The following TENM2 variants were observed in gnomAD, a reference collection of about 807,000 sequenced individuals.
TENM2 encodes the protein teneurin-2.
A neutral mutation model predicts 245.2 loss-of-function variants in TENM2; 52 were observed. The ratio of observed to expected loss-of-function variants is 0.21; its 90% CI spans 0.17 to 0.27. The LOEUF (loss-of-function observed/expected upper bound fraction) is 0.27, where lower values mean the gene tolerates loss of function less well. Among genes scored for constraint, TENM2 ranks in the 10% least tolerant of loss-of-function variants. The pLI is 1.00. For missense variants in TENM2, 3,046 were observed against 3,666.8 expected, an observed-to-expected ratio of 0.83 and a Z score of 4.37; for synonymous variants, 1,363 against 1,438.9, an observed-to-expected ratio of 0.95 and a Z score of 1.19.
intron 2 of TENM2, among the ~76,000 whole-genome samples, chr5:167,503,122 T>A (rs1769316558): frequency 6.6e-6 from 1 of 152,188 alleles, no homozygotes; most frequent in Non-Finnish European, 1.5e-5. Flanking sequence ...CCACCACGCC[T>A]GGCCCATATT....
chr5:167,992,859 A>G (rs1783771411), intron 4 of TENM2, 85 bp from the exon 7 acceptor site: 1 of 1,010,998 alleles, frequency 9.9e-7, no homozygotes, highest in Middle Eastern at 2.1e-4. Flanking sequence ...TGCTAGGACT[A>G]GATAGAGCAG....
At chr5:167,018,892 C>G in the TENM2 span, among the ~76,000 whole-genome samples, 9 of 152,170 alleles carry the variant, frequency 5.9e-5, no homozygotes, top group Admixed American at 2.0e-4. Flanking sequence ...ACAAATAATA[C>G]CTTCCCTGGC....
intron 2 of TENM2, among the ~76,000 whole-genome samples, chr5:167,743,702 A>G (rs945579947): frequency 7.2e-5 from 11 of 152,198 alleles, no homozygotes; most frequent in African/African-American, 2.4e-4. Context: ...TTGACAAGAC[A>G]AAAGAGTAAT....
chr5:167,723,302 A>C (rs1416380885), intron 2 of TENM2, among the ~76,000 whole-genome samples: 2 of 152,096 alleles, frequency 1.3e-5, no homozygotes, highest in African/African-American at 4.8e-5. Flanking sequence ...GTCCTCATCT[A>C]GTGCCACTCT....
intron 7 of TENM2, among the ~76,000 whole-genome samples, chr5:168,081,562 C>T (rs1791998534): frequency 1.3e-5 from 2 of 152,282 alleles, no homozygotes; most frequent in African/African-American, 2.4e-5. Flanking sequence ...TTTGCAGTGG[C>T]TTGTACTGGT....
At chr5:167,537,981 A>G (rs570548977) in intron 2 of TENM2, among the ~76,000 whole-genome samples, 1 of 152,324 alleles carries the variant, frequency 6.6e-6, no homozygotes, top group African/African-American at 2.4e-5. Context: ...GGGAGGAAGG[A>G]AACTGTTTGA....
chr5:167,015,985 T>C, the TENM2 span, among the ~76,000 whole-genome samples: 1 of 152,028 alleles, frequency 6.6e-6, no homozygotes, highest in Non-Finnish European at 1.5e-5. Context: ...CCAGGCACGG[T>C]GGCTCACCCC....
At chr5:167,230,604 A>T in the TENM2 span, among the ~76,000 whole-genome samples, 23 of 152,202 alleles carry the variant, frequency 1.5e-4, no homozygotes, top group Admixed American at 9.8e-4. Context: ...GATACATTTT[A>T]AAAATGCTGA....
intron 2 of TENM2, among the ~76,000 whole-genome samples, chr5:167,410,483 A>G (rs1469602563): frequency 6.6e-6 from 1 of 152,156 alleles, no homozygotes; most frequent in East Asian, 1.9e-4. Flanking sequence ...ACTCATTTAT[A>G]AAAATTAGCA....
At chr5:167,373,329 G>A (rs1428017973) in intron 1 of TENM2, among the ~76,000 whole-genome samples, 2 of 152,174 alleles carry the variant, frequency 1.3e-5, no homozygotes, top group Non-Finnish European at 2.9e-5. Context: ...AAATGATATC[G>A]AGTATGTAGG....
chr5:167,872,488 GAA>G (rs1772982855), intron 2 of TENM2, among the ~76,000 whole-genome samples: 6 of 16,636 alleles, frequency 3.6e-4, no homozygotes, highest in East Asian at 0.013. Context: ...GAAAGAAAAA[GAA>G]AGAAAGAAAG....
At chr5:167,443,841 T>G (rs904628455) in intron 2 of TENM2, among the ~76,000 whole-genome samples, 9 of 152,286 alleles carry the variant, frequency 5.9e-5, no homozygotes, top group African/African-American at 2.2e-4. Flanking sequence ...TCTTTAACTT[T>G]TAAAATTAAA....
the TENM2 span, among the ~76,000 whole-genome samples, chr5:167,026,091 A>G: frequency 6.6e-6 from 1 of 152,284 alleles, no homozygotes; most frequent in South Asian, 2.1e-4. Context: ...TATATATTTT[A>G]AGATACTTTA....
chr5:167,391,107 A>G (rs1241405985), intron 2 of TENM2, among the ~76,000 whole-genome samples: 1 of 152,120 alleles, frequency 6.6e-6, no homozygotes, highest in Non-Finnish European at 1.5e-5. Flanking sequence ...AGAATTATCT[A>G]AGGTGCCATG....
At chr5:168,260,880 G>A (rs1274523277) in intron 28 of TENM2, among the ~76,000 whole-genome samples, 1 of 152,138 alleles carries the variant, frequency 6.6e-6, no homozygotes, top group East Asian at 1.9e-4. Context: ...CATAATTTGT[G>A]CTTGGGTCTT....
intron 2 of TENM2, among the ~76,000 whole-genome samples, chr5:167,518,325 A>G (rs1316414054): frequency 1.3e-5 from 2 of 152,072 alleles, no homozygotes; most frequent in Admixed American, 1.3e-4. Flanking sequence ...TTCATCCCCA[A>G]ATCAAAACTT....
chr5:168,047,558 A>G lies in TENM2; in HGVS notation c.1309+9A>G. 1 of 1,551,570 alleles carries G rather than the reference A, an allele frequency of 6.4e-7. No individual in the cohort carries two copies. ...GCCATCTGGAGGCAAAGGTGAGGTT[A>G]CAGCTGCTGCTTGCCCTCTTGAGGT... On this transcript the variant is annotated intron_variant, in intron 6 of 28. Transcript: ENST00000518659.
intron 6 of TENM2, 128 bp downstream of exon 8, chr5:168,047,677 T>C (rs1445517999): frequency 9.0e-7 from 1 of 1,112,568 alleles, no homozygotes; most frequent in Admixed American, 2.7e-5. Context: ...GGGGGAAAAA[T>C]CATTGCCTTT....
chr5:167,194,706 A>T, the TENM2 span, among the ~76,000 whole-genome samples: 1 of 152,022 alleles, frequency 6.6e-6, no homozygotes, highest in East Asian at 1.9e-4. Flanking sequence ...AGCAAGGATC[A>T]TTATCCCTAG....
Sources: allele counts gnomAD v4.1 joint callset (sites outside exome capture counted in the v4.1 genomes callset), GRCh38; gene constraint gnomAD v4.1.1; transcripts MANE v1.5; gene names NCBI Gene and HGNC (gene_info 2026-07-23, HGNC 2026-07-21).